KDM6B: variants seen among roughly 807,000 people sequenced by gnomAD.
KDM6B encodes the protein lysine-specific demethylase 6B.
In KDM6B, 22 loss-of-function variants were observed where a neutral mutation model predicts 150.4. The observed-to-expected ratio is 0.15, with a 90% CI of 0.10 to 0.21. The LOEUF is 0.21. Among genes scored for constraint, KDM6B ranks in the 10% least tolerant of loss-of-function variants. KDM6B has a pLI of 1.00. For missense variants in KDM6B, 1,984 were observed against 2,234.3 expected (o/e 0.89, Z 2.26); for synonymous variants, 1,148 against 921.1 (o/e 1.25, Z -4.46).
rs1007897056 is a variant in KDM6B at position 7,844,676 on chromosome 17, C to G, written c.-268-225C>G. 1.4e-4 allele frequency among the ~76,000 whole-genome samples: 22 copies of G among 152,218 alleles called. No individual in the cohort carries two copies. Among genetic ancestry groups the G allele is most frequent in the African/African-American group, 4.6e-4 (19 of 41,452 alleles). ...GGCTTGCGGGTAGCGCCGGCCCCCA[C>G]GCCGGCCGGAGCATGCGACTAACCG... On this transcript the variant is annotated intron_variant, in intron 2 of 23. Transcript: ENST00000448097. This position sits in a 1 kb window ranked among gnomAD's most constrained non-coding sequence, Gnocchi z 5.9.
At chr17:7,850,707 C>T (rs2151378868) in intron 14 of KDM6B, among the ~76,000 whole-genome samples, 1 of 152,230 alleles carries the variant, frequency 6.6e-6, no homozygotes, top group East Asian at 1.9e-4. Context: ...AAAGAAGCTG[C>T]CATTCATTGA....
intron 19 of KDM6B, 29 bp downstream of exon 19, chr17:7,852,094 G>A: frequency 6.2e-7 from 1 of 1,613,518 alleles, no homozygotes; most frequent in Non-Finnish European, 8.5e-7. Flanking sequence ...AAGTCAGACT[G>A]CCGCGTCCCC....
chr17:7,844,152 G>T lies in KDM6B; in HGVS notation c.-268-749G>T, dbSNP rs1397092432. 1 of 151,988 alleles carries T rather than the reference G, an allele frequency of 6.6e-6. No individual in the cohort carries two copies. The highest frequency in any genetic ancestry group is 2.4e-5 in the African/African-American group (1 of 41,386). 9.4% of individuals were successfully genotyped at this position (151,988 alleles called of 1,614,324 possible). A position where few individuals can be genotyped will look rare whatever the true frequency, so the allele number is the denominator to read the frequency against. On this transcript the variant is annotated intron_variant, in intron 2 of 23. Coordinates refer to ENST00000448097, the MANE Select transcript of KDM6B (RefSeq NM_001348716.2). The surrounding 1 kb of genome is among the most constrained non-coding windows in gnomAD (Gnocchi z 5.9). ...CGAAATCCCCCCTCCCTTGGGGGGC[G>T]GGGGCCACGTGGGCCGTGGGGAACC... is the stretch of plus-strand genomic sequence containing the variant.
intron 20 of KDM6B, 50 bp from the exon 21 acceptor site, chr17:7,852,445 G>T (rs764212013): frequency 1.6e-6 from 2 of 1,290,246 alleles, no homozygotes; most frequent in Non-Finnish European, 2.1e-6. Context: ...TTGGGCCTAG[G>T]TGTCTGGGGG....
rs779450351 is a variant in KDM6B, at chr17:7,845,586, G to T, written c.32G>T (p.Arg11Leu). The change falls in exon 5 of 24, where the codon CGC becomes CTC. Residue 11 changes from arginine to leucine, a missense_variant. Coordinates refer to ENST00000448097, the MANE Select transcript of KDM6B (RefSeq NM_001348716.2). MHRAVDPPGA[R>L]AAREAFALGG... is the part of the protein sequence containing the mutation. The stretch of plus-strand genomic sequence containing the variant: ...CGGGCAGTGGACCCTCCAGGGGCCC[G>T]CGCTGCACGGGAAGCCTTTGCCCTT... 6.2e-7 allele frequency: 1 copy of T among 1,614,142 alleles called. No individual in the cohort carries two copies.
rs761115960 is a variant in KDM6B, at chr17:7,848,593, A to G, written c.2305A>G (p.Lys769Glu). The change falls in exon 12 of 24, where the codon AAG becomes GAG. Residue 769 changes from lysine (K) to glutamate (E), a missense_variant. By Grantham distance (56) the Lys-to-Glu change is moderately conservative. Around this residue, in one of 13 missense-constraint regions of KDM6B, gnomAD observed 1,379 missense variants for 1,275.6 expected, o/e 1.08. Transcript: ENST00000448097. ...TTTTATQEEE[K>E]KPPPALPPPP... ...CACCACGGCCACCCAGGAAGAGGAG[A>G]AGAAGCCACCACCAGCCCTACCACC... is the stretch of plus-strand genomic sequence containing the variant. The G allele has an allele frequency of 3.1e-6, 5 of 1,599,374 alleles. No individual in the cohort carries two copies. The highest frequency in any genetic ancestry group is 3.4e-5 in the Admixed American group (2 of 58,350).
chr17:7,836,469 G>T (rs1395905624), intron 1 of KDM6B, among the ~76,000 whole-genome samples: 3 of 152,174 alleles, frequency 2.0e-5, no homozygotes, highest in Non-Finnish European at 2.9e-5. Flanking sequence ...TCCGGCTGGC[G>T]GCCGGCTGGG....
At position 7,846,897 on chromosome 17, in the gene KDM6B, C is replaced by CCAT. The variant is rs765463905; in HGVS notation, c.791_792insATC (p.Pro264_Leu265insSer). 1.3e-6 allele frequency: 2 copies of CCAT among 1,590,792 alleles called. No individual in the cohort carries two copies. Among genetic ancestry groups the CCAT allele is most frequent in the South Asian group, 2.2e-5 (2 of 90,332 alleles). ...ACCACCACCACCACCACCACCACCA[C>CCAT]CCCTGCCTGGCCTGGCTACCAGCCC... On this transcript the variant is annotated inframe_insertion, in exon 10 of 24. Transcript: ENST00000448097.
At chr17:7,850,207 A>G (rs763400411) in intron 14 of KDM6B, 30 bp downstream of exon 14, 6 of 1,564,200 alleles carry the variant, frequency 3.8e-6, no homozygotes, top group Non-Finnish European at 5.3e-6. Flanking sequence ...AGTGTTAGGG[A>G]GGGCTACAAG....
At position 7,847,671 on chromosome 17, in the gene KDM6B, G is replaced by A. The variant is rs1275869825; in HGVS notation, c.1383G>A (p.Leu461=). 1.2e-6 allele frequency: 2 copies of A among 1,603,422 alleles called. No homozygotes were observed. Among genetic ancestry groups the A allele is most frequent in the South Asian group, 1.1e-5 (1 of 90,040 alleles). ...CCGCTGCCACTCCCCACCTATCCCT[G>A]CCACCTGGACCTTCCTCACCCCCTC... ...GAPAATPHLS[L]PPGPSSPPPP... Residue 461 remains leucine (L), a synonymous_variant, in exon 12 of 24, where the codon CTG becomes CTA. Transcript: ENST00000448097.
chr17:7,848,045 G>C lies in KDM6B; in HGVS notation c.1757G>C (p.Arg586Pro), dbSNP rs774929876. The C allele has an allele frequency of 5.7e-6, 9 of 1,582,700 alleles. No individual in the cohort carries two copies. Among genetic ancestry groups the C allele is most frequent in the Non-Finnish European group, 6.0e-6 (7 of 1,165,714 alleles). The part of the protein sequence containing the change: ...YLARSIDPLP[R>P]PPSPAQNPQD... ...GCCAGAAGTATAGACCCCCTTCCCC[G>C]GCCTCCCAGCCCAGCACAGAACCCC... is the stretch of plus-strand genomic sequence containing the variant. Residue 586 changes from arginine to proline, a missense_variant, in exon 12 of 24, where the codon CGG becomes CCG. Arg to Pro is a moderately radical substitution (Grantham distance 103). Coordinates refer to ENST00000448097, the MANE Select transcript of KDM6B (RefSeq NM_001348716.2).
Position 7,848,247 on chromosome 17 carries a change from C to T in KDM6B, c.1959C>T (p.Pro653=), listed in dbSNP as rs201271536. Residue 653 remains proline (P), a synonymous_variant, in exon 12 of 24, where the codon CCC becomes CCT. Coordinates refer to ENST00000448097, the MANE Select transcript of KDM6B (RefSeq NM_001348716.2). Reference sequence around the variant, plus strand: ...CCCCAGGCCCCCTGAGTAAAGCCCCCCAGCCTGTGCCGCCCGGGGTTGGGG... The same window carrying T: ...CCCCAGGCCCCCTGAGTAAAGCCCCTCAGCCTGTGCCGCCCGGGGTTGGGG... ...GPPPGPLSKA[P]QPVPPGVGEL... The T allele has an allele frequency of 7.4e-6, 12 of 1,612,442 alleles. No homozygotes were observed. The highest frequency in any genetic ancestry group is 2.2e-5 in the East Asian group (1 of 44,830).
chr17:7,836,105 A>T (rs2078329956), intron 1 of KDM6B, among the ~76,000 whole-genome samples: 1 of 151,926 alleles, frequency 6.6e-6, no homozygotes, highest in African/African-American at 2.4e-5. Flanking sequence ...GCCCCTTCCC[A>T]AGGCTTCTCC....
In KDM6B at chr17:7,847,543, C is replaced by A. The variant is rs1453411205; in HGVS notation, c.1258-3C>A. Reference sequence around the variant, plus strand: ...CTCCTACCACCTGCTTCTACACTTGCAGCCCGGCGCTGACCATTACCAAAC... The same window carrying A: ...CTCCTACCACCTGCTTCTACACTTGAAGCCCGGCGCTGACCATTACCAAAC... On this transcript the variant is annotated splice_polypyrimidine_tract_variant and splice_region_variant and intron_variant, in intron 11 of 23. Transcript: ENST00000448097. The A allele has an allele frequency of 6.2e-7, 1 of 1,613,284 alleles. No homozygotes were observed. Among genetic ancestry groups the A allele is most frequent in the Non-Finnish European group, 8.5e-7 (1 of 1,179,916 alleles).
At chr17:7,847,039 T>C (rs56880362) in intron 10 of KDM6B, 23 bp downstream of exon 10, 59,534 of 1,611,728 alleles carry the variant, frequency 0.037, 2,899 homozygotes, top group African/African-American at 0.24. Context: ...CTGTTGCCTT[T>C]CACCTCTCAC....
At chr17:7,852,748 C>G (rs1211381587) in intron 21 of KDM6B, 112 bp downstream of exon 21, 8 of 1,485,892 alleles carry the variant, frequency 5.4e-6, no homozygotes, top group Admixed American at 1.7e-5. Context: ...CTGCCTGTGC[C>G]CCGAGTGTTA....
At chr17:7,841,393 A>T (rs1239765270) in intron 2 of KDM6B, among the ~76,000 whole-genome samples, 1 of 152,220 alleles carries the variant, frequency 6.6e-6, no homozygotes. Flanking sequence ...GCAAGGAGTC[A>T]GGAGGGTGGG....
In KDM6B at chr17:7,847,906, T is replaced by C; in HGVS notation, c.1618T>C (p.Ser540Pro). The change falls in exon 12 of 24, where the codon TCT becomes CCT. Residue 540 changes from serine to proline, a missense_variant. By Grantham distance (74) the Ser-to-Pro change is moderately conservative (BLOSUM62 -1). This residue lies in a region of KDM6B where 1,379 missense variants were observed against 1,275.6 expected (regional missense o/e 1.08). Coordinates refer to ENST00000448097, the MANE Select transcript of KDM6B (RefSeq NM_001348716.2). ...ASRFSVGTQDSHTPPTPPTPT... is the reference protein window; with the variant it reads ...ASRFSVGTQDPHTPPTPPTPT... The stretch of plus-strand genomic sequence containing the variant: ...CCGCTTTTCTGTGGGCACTCAGGAT[T>C]CTCACACCCCTCCCACTCCCCCAAC... 1 of 1,579,672 alleles carries C rather than the reference T, an allele frequency of 6.3e-7. No homozygotes were observed. Among genetic ancestry groups the C allele is most frequent in the African/African-American group, 1.4e-5 (1 of 71,990 alleles).
At chr17:7,842,205 C>G (rs1490880630) in intron 2 of KDM6B, among the ~76,000 whole-genome samples, 1 of 151,844 alleles carries the variant, frequency 6.6e-6, no homozygotes, top group African/African-American at 2.4e-5. Context: ...AGTGTTCTCT[C>G]TTGGGGCTCC....
Sources: gnomAD v4.1 joint callset for allele counts (sites outside exome capture counted in the v4.1 genomes callset) on GRCh38, gnomAD v4.1.1 for gene constraint, gnomAD v4.1.1 regional missense constraint, Gnocchi (gnomAD v3.1) non-coding constraint, MANE v1.5 for transcripts, NCBI Gene and HGNC (gene_info 2026-07-23, HGNC 2026-07-21) for gene names.